Variants in CNTNAP2 observed in about 807,000 individuals in gnomAD.
CNTNAP2 encodes contactin-associated protein-like 2.
CNTNAP2 carries 98 observed loss-of-function variants against 155.2 expected under a neutral mutation model. That is an observed-to-expected ratio of 0.63 (90% CI 0.54 to 0.75). CNTNAP2 has a LOEUF of 0.75. Among genes scored for constraint, CNTNAP2 ranks in the 30% least tolerant of loss-of-function variants. The probability of loss-of-function intolerance (pLI) is 0.00; values close to 1 mark genes in which losing one functional copy is unlikely to be tolerated. For synonymous variants in CNTNAP2, 651 were observed against 631.2 expected (o/e 1.03, Z -0.47); for missense variants, 1,727 against 1,688.1 (o/e 1.02, Z -0.40).
intron 8 of CNTNAP2, among the ~76,000 whole-genome samples, chr7:147,140,913 A>G (rs895010572): frequency 6.6e-6 from 1 of 152,120 alleles, no homozygotes; most frequent in Non-Finnish European, 1.5e-5. Flanking sequence ...CTGTACTGCT[A>G]TAAAGGCTGG....
intron 2 of CNTNAP2, among the ~76,000 whole-genome samples, chr7:146,826,857 T>TATATATATAGAGAG (rs773069615): frequency 7.2e-6 from 1 of 138,972 alleles, no homozygotes; most frequent in Admixed American, 7.4e-5. Flanking sequence ...TATATATATA[T>TATATATATAGAGAG]AGAGAGAGAG....
intron 8 of CNTNAP2, among the ~76,000 whole-genome samples, chr7:147,258,247 C>T (rs996071551): frequency 1.3e-5 from 2 of 152,032 alleles, no homozygotes; most frequent in African/African-American, 4.8e-5. Context: ...CATAGTGGTA[C>T]ATATTCATAG....
chr7:147,472,817 C>A (rs866402839), intron 10 of CNTNAP2, among the ~76,000 whole-genome samples: 21 of 152,120 alleles, frequency 1.4e-4, no homozygotes, highest in Non-Finnish European at 2.6e-4. Context: ...AGAGGAGTAG[C>A]AAAATTAGAG....
At chr7:146,601,653 C>T (rs75418605) in intron 1 of CNTNAP2, among the ~76,000 whole-genome samples, 3 of 151,712 alleles carry the variant, frequency 2.0e-5, no homozygotes, top group African/African-American at 7.3e-5. Flanking sequence ...AAAAAATCTG[C>T]GAAATTATGT....
At chr7:146,313,132 T>C (rs1800853711) in intron 1 of CNTNAP2, among the ~76,000 whole-genome samples, 1 of 152,168 alleles carries the variant, frequency 6.6e-6, no homozygotes, top group Admixed American at 6.6e-5. Flanking sequence ...GTTACTCCCA[T>C]GCTATTTTCC....
chr7:146,774,303 C>T lies in CNTNAP2; in HGVS notation c.130C>T (p.Pro44Ser). 6.2e-7 allele frequency: 1 copy of T among 1,613,880 alleles called. No individual in the cohort carries two copies. Residue 44 changes from proline (P) to serine (S), a missense_variant, in exon 2 of 24, where the codon CCC (proline) becomes TCC (serine). Coordinates refer to ENST00000361727, the MANE Select transcript of CNTNAP2 (RefSeq NM_014141.6). Reference protein sequence around the residue: ...KCDEPLVSGLPHVAFSSSSSI... With the variant: ...KCDEPLVSGLSHVAFSSSSSI... The stretch of plus-strand genomic sequence containing the variant: ...TGATGAGCCACTTGTCTCTGGACTC[C>T]CCCATGTGGCTTTCAGCAGCTCCTC...
At chr7:148,103,674 A>C (rs1218080660) in intron 15 of CNTNAP2, among the ~76,000 whole-genome samples, 4 of 152,202 alleles carry the variant, frequency 2.6e-5, no homozygotes, top group Non-Finnish European at 5.9e-5. Flanking sequence ...CAGTTGCAAA[A>C]CAGAATCGTT....
intron 13 of CNTNAP2, among the ~76,000 whole-genome samples, chr7:147,723,254 G>A (rs1796592066): frequency 6.6e-6 from 1 of 151,962 alleles, no homozygotes; most frequent in Non-Finnish European, 1.5e-5. Flanking sequence ...GAACACGTAT[G>A]TCAGAATATT....
intron 1 of CNTNAP2, among the ~76,000 whole-genome samples, chr7:146,490,344 C>T (rs1797120104): frequency 6.6e-6 from 1 of 151,752 alleles, no homozygotes; most frequent in Non-Finnish European, 1.5e-5. Context: ...AAGAAAAAGG[C>T]AATATACAAG....
chr7:147,010,601 T>C (rs1798606026), intron 3 of CNTNAP2, among the ~76,000 whole-genome samples: 2 of 152,170 alleles, frequency 1.3e-5, no homozygotes, highest in Non-Finnish European at 2.9e-5. Flanking sequence ...TCAAACTATG[T>C]AGTGATACTA....
chr7:146,198,023 A>G (rs1335204390), intron 1 of CNTNAP2, among the ~76,000 whole-genome samples: 2 of 152,070 alleles, frequency 1.3e-5, no homozygotes, highest in Non-Finnish European at 2.9e-5. Context: ...TTATCAAACA[A>G]CCAGATCTCA....
chr7:147,204,512 T>TATG (rs1802980556), intron 8 of CNTNAP2, among the ~76,000 whole-genome samples: 1 of 152,116 alleles, frequency 6.6e-6, no homozygotes, highest in Non-Finnish European at 1.5e-5. Context: ...CACCATGCTA[T>TATG]ATGAAACAGT....
intron 2 of CNTNAP2, among the ~76,000 whole-genome samples, chr7:146,803,790 C>A (rs1802921999): frequency 6.6e-6 from 1 of 152,180 alleles, no homozygotes; most frequent in Non-Finnish European, 1.5e-5. Flanking sequence ...AAAATGTATG[C>A]TCCAAGGAAA....
intron 11 of CNTNAP2, among the ~76,000 whole-genome samples, chr7:147,529,095 A>G (rs1799384293): frequency 6.6e-6 from 1 of 152,220 alleles, no homozygotes; most frequent in African/African-American, 2.4e-5. Flanking sequence ...TGAGCATATC[A>G]GCACCATCTA....
chr7:147,601,509 T>C (rs1368373787), intron 12 of CNTNAP2, among the ~76,000 whole-genome samples: 2 of 151,922 alleles, frequency 1.3e-5, no homozygotes, highest in Non-Finnish European at 2.9e-5. Context: ...ACGTCTTTTG[T>C]GATTCTTCAG....
At chr7:146,905,450 T>C (rs1796100088) in intron 3 of CNTNAP2, among the ~76,000 whole-genome samples, 1 of 152,180 alleles carries the variant, frequency 6.6e-6, no homozygotes, top group Admixed American at 6.5e-5. Flanking sequence ...ACTTCCCCTT[T>C]CATCCTCTTA....
chr7:146,327,348 G>A (rs773045677), intron 1 of CNTNAP2, among the ~76,000 whole-genome samples: 1 of 152,134 alleles, frequency 6.6e-6, no homozygotes, highest in Non-Finnish European at 1.5e-5. Flanking sequence ...AAATTTACAA[G>A]AAAATTAGCA....
At position 147,542,245 on chromosome 7, in the gene CNTNAP2, TTTC is replaced by T. The variant is rs913303592; in HGVS notation, c.1778-19887_1778-19885del. Among the ~76,000 whole-genome samples the T allele has an allele frequency of 9.2e-5, 14 of 152,156 alleles. 1 individual carries two copies. The East Asian group carries it at 2.5e-3, about 27-fold the overall frequency. ...ACCATTTAAAGTGATATCCTTTTCC[TTTC>T]TTCTTTTTTAAATGAAGAATTTGTT... On this transcript the variant is annotated intron_variant, in intron 11 of 23. Transcript: ENST00000361727.
At chr7:147,857,893 T>C (rs1256598016) in intron 13 of CNTNAP2, among the ~76,000 whole-genome samples, 1 of 152,178 alleles carries the variant, frequency 6.6e-6, no homozygotes, top group Non-Finnish European at 1.5e-5. Flanking sequence ...GTTAAAATAG[T>C]GTGAGTCACA....
Sources: gnomAD v4.1 joint callset for allele counts (sites outside exome capture counted in the v4.1 genomes callset) on GRCh38, gnomAD v4.1.1 for gene constraint, MANE v1.5 for transcripts, NCBI Gene and HGNC (gene_info 2026-07-23, HGNC 2026-07-21) for gene names.